The following SEC14L5 variants were observed in gnomAD, a reference collection of about 807,000 sequenced individuals.
The protein encoded by SEC14L5 is SEC14-like protein 5.
In SEC14L5, 96 loss-of-function variants were observed where a neutral mutation model predicts 84.6. That is an observed-to-expected ratio of 1.13 (90% CI 0.96 to 1.34). The LOEUF (loss-of-function observed/expected upper bound fraction) is 1.34. Among genes scored for constraint, SEC14L5 ranks in the 40% most tolerant of loss-of-function variants. The pLI is 0.00. For missense variants in SEC14L5, 1,224 were observed against 942.5 expected (o/e 1.30, Z -3.91); for synonymous variants, 546 against 383.4 (o/e 1.42, Z -4.95).
At chr16:4,965,148 CA>C (rs1342436691) in intron 2 of SEC14L5, among the ~76,000 whole-genome samples, 1 of 152,146 alleles carries the variant, frequency 6.6e-6, no homozygotes, top group Admixed American at 6.6e-5. Flanking sequence ...CCTGAGGGTA[CA>C]ATATTTTTAA....
intron 2 of SEC14L5, among the ~76,000 whole-genome samples, chr16:4,979,004 C>T (rs1439476121): frequency 1.3e-5 from 2 of 152,168 alleles, no homozygotes; most frequent in Non-Finnish European, 1.5e-5. Flanking sequence ...AGGTGTGAGC[C>T]ACTTCACCCG....
At chr16:5,006,253 G>T (rs1490765440) in intron 12 of SEC14L5, among the ~76,000 whole-genome samples, 1 of 152,242 alleles carries the variant, frequency 6.6e-6, no homozygotes, top group Non-Finnish European at 1.5e-5. Context: ...GCTGTTCTGA[G>T]GTTGGGCCTT....
At position 4,961,268 on chromosome 16, in the gene SEC14L5, G is replaced by A. The variant is rs1008748708; in HGVS notation, c.63+1882G>A. Among the ~76,000 whole-genome samples, 7 of 151,706 alleles carry A rather than the reference G, an allele frequency of 4.6e-5. No individual in the cohort carries two copies. In the East Asian group the frequency reaches 7.7e-4, roughly 17 times the overall value. ...AGCATGGGTGACAGAGCGAGACTCC[G>A]TCTCAACAACAACAACAGCAACAAC... On this transcript the variant is annotated intron_variant, in intron 2 of 15. Coordinates refer to ENST00000251170, the MANE Select transcript of SEC14L5 (RefSeq NM_014692.2).
At chr16:5,014,060 A>G (rs1388731269) in intron 15 of SEC14L5, among the ~76,000 whole-genome samples, 4 of 152,218 alleles carry the variant, frequency 2.6e-5, no homozygotes, top group Non-Finnish European at 5.9e-5. Flanking sequence ...TGCTTTGAGT[A>G]GCAAGGCCCT....
chr16:4,970,999 G>A (rs961675827), intron 2 of SEC14L5, among the ~76,000 whole-genome samples: 4 of 152,022 alleles, frequency 2.6e-5, no homozygotes, highest in East Asian at 1.9e-4. Context: ...TCCCAGCTAC[G>A]CGGGGGGCTG....
intron 5 of SEC14L5, 103 bp downstream of exon 5, chr16:4,990,998 A>T: frequency 1.1e-6 from 1 of 940,984 alleles, no homozygotes; most frequent in Non-Finnish European, 1.5e-6. Context: ...TCCTGGGCTC[A>T]GTGTTATCTG....
At chr16:4,989,561 A>G (rs1955530211) in intron 4 of SEC14L5, among the ~76,000 whole-genome samples, 1 of 151,994 alleles carries the variant, frequency 6.6e-6, no homozygotes, top group African/African-American at 2.4e-5. Flanking sequence ...TGGCCAGGCT[A>G]TTCTCAAACT....
intron 12 of SEC14L5, among the ~76,000 whole-genome samples, chr16:5,006,586 C>A (rs1955734589): frequency 6.6e-6 from 1 of 152,126 alleles, no homozygotes; most frequent in East Asian, 1.9e-4. Context: ...ACAACTCTGT[C>A]ATCTCATATG....
intron 4 of SEC14L5, among the ~76,000 whole-genome samples, chr16:4,989,097 G>A (rs1011870839): frequency 5.9e-5 from 9 of 152,220 alleles, no homozygotes; most frequent in Non-Finnish European, 1.0e-4. Context: ...AGGCCATGGG[G>A]CCTAGATCTT....
At chr16:4,996,511 A>G in intron 7 of SEC14L5, 51 bp downstream of exon 7, 2 of 950,328 alleles carry the variant, frequency 2.1e-6, no homozygotes, top group East Asian at 5.3e-5. Flanking sequence ...AATGACTGGT[A>G]CTCAGCCTCC....
intron 14 of SEC14L5, among the ~76,000 whole-genome samples, chr16:5,010,435 T>A (rs1277644325): frequency 6.6e-6 from 1 of 152,102 alleles, no homozygotes; most frequent in East Asian, 1.9e-4. Flanking sequence ...CTGCCCCTGT[T>A]GATCCCCACA....
At position 5,017,361 on chromosome 16, in the gene SEC14L5, T is replaced by A. The variant is rs1418008422; in HGVS notation, c.*2391T>A. The A allele has an allele frequency of 6.6e-6, 1 of 152,366 alleles. No homozygotes were observed. Among genetic ancestry groups the A allele is most frequent in the Non-Finnish European group, 1.5e-5 (1 of 68,140 alleles). The allele number at this position is 152,366 out of a possible 1,614,324, so 9.4% of individuals were successfully genotyped here. ...ACTAGGGATGGCTGAAGGTGGGTGC[T>A]GCTTCAGATATGGCTGGATCCAGGA... On this transcript the variant is annotated 3_prime_UTR_variant, in exon 16 of 16. Coordinates refer to ENST00000251170, the MANE Select transcript of SEC14L5 (RefSeq NM_014692.2).
chr16:4,990,745 A>G, intron 4 of SEC14L5, 22 bp from the exon 5 acceptor site: 1 of 1,596,202 alleles, frequency 6.3e-7, no homozygotes, highest in Middle Eastern at 1.7e-4. Context: ...AGTCCCTGGC[A>G]TGACCCCTGC....
At chr16:5,008,244 G>GAT (rs1955756062) in intron 13 of SEC14L5, among the ~76,000 whole-genome samples, 177 bp from the exon 14 acceptor site, 1 of 152,142 alleles carries the variant, frequency 6.6e-6, no homozygotes, top group Non-Finnish European at 1.5e-5. Context: ...CCAGTGATCT[G>GAT]TTGCAGGCGA....
intron 2 of SEC14L5, among the ~76,000 whole-genome samples, chr16:4,970,657 G>A (rs897448406): frequency 6.6e-6 from 1 of 152,240 alleles, no homozygotes; most frequent in African/African-American, 2.4e-5. Flanking sequence ...TGACACGTGA[G>A]TGAGACTCTG....
Position 5,000,705 on chromosome 16 carries a change from T to A in SEC14L5, c.1021T>A (p.Leu341Met). The A allele has an allele frequency of 1.3e-6, 2 of 1,552,448 alleles. No individual in the cohort carries two copies. The highest frequency in any genetic ancestry group is 1.7e-6 in the Non-Finnish European group (2 of 1,147,602). ...CCTGGGCCAGATGGACACCAAAGGC[T>A]TGATGAAGGCCGTGGGGGAGGAGGC... is the stretch of plus-strand genomic sequence containing the variant. ...LRLGQMDTKG[L>M]MKAVGEEALL... Residue 341 changes from leucine (L) to methionine (M), a missense_variant, in exon 9 of 16, where the codon TTG becomes ATG. Coordinates refer to ENST00000251170, the MANE Select transcript of SEC14L5 (RefSeq NM_014692.2).
intron 2 of SEC14L5, among the ~76,000 whole-genome samples, chr16:4,981,455 C>T (rs1370098556): frequency 2.6e-5 from 4 of 151,894 alleles, no homozygotes; most frequent in South Asian, 2.1e-4. Flanking sequence ...GAAATCATTT[C>T]GTTTGGGAAA....
Position 4,996,308 on chromosome 16 carries a change from C to T in SEC14L5, c.668-40C>T, listed in dbSNP as rs777326827. 28 of 1,175,296 alleles carry T rather than the reference C, an allele frequency of 2.4e-5. No individual in the cohort carries two copies. In the South Asian group the frequency reaches 3.0e-4, roughly 13 times the overall value. 72.8% of individuals were successfully genotyped at this position (1,175,296 alleles called of 1,614,324 possible). A position where few individuals can be genotyped will look rare whatever the true frequency, so the allele number is the denominator to read the frequency against. Reference sequence around the variant, plus strand: ...CAGACCACATGGTAAAGAGACGCAGCGTCTCCCTCTTGTCCTGAAGCTCCC... The same window carrying T: ...CAGACCACATGGTAAAGAGACGCAGTGTCTCCCTCTTGTCCTGAAGCTCCC... On this transcript the variant is annotated intron_variant, in intron 6 of 15. Coordinates refer to ENST00000251170, the MANE Select transcript of SEC14L5 (RefSeq NM_014692.2).
At position 4,997,015 on chromosome 16, in the gene SEC14L5, A is replaced by C; in HGVS notation, c.941A>C (p.Tyr314Ser). The C allele has an allele frequency of 6.2e-7, 1 of 1,612,562 alleles. No individual in the cohort carries two copies. The highest frequency in any genetic ancestry group is 8.5e-7 in the Non-Finnish European group (1 of 1,179,308). The change falls in exon 8 of 16, where the codon TAT becomes TCT. Residue 314 changes from tyrosine (Y) to serine (S), a missense_variant. Transcript: ENST00000251170. Reference sequence around the variant, plus strand: ...CCCCCTGCCCTGCTGGAGGAGTTCTATGCAGGGGGCTGGCATTACCAGGAC... The same window carrying C: ...CCCCCTGCCCTGCTGGAGGAGTTCTCTGCAGGGGGCTGGCATTACCAGGAC... The part of the protein sequence containing the change: ...WQPPALLEEF[Y>S]AGGWHYQDID...
Sources: gnomAD v4.1 joint callset for allele counts (sites outside exome capture counted in the v4.1 genomes callset) on GRCh38, gnomAD v4.1.1 for gene constraint, MANE v1.5 for transcripts, NCBI Gene and HGNC (gene_info 2026-07-23, HGNC 2026-07-21) for gene names.